RRAS2: variants seen among roughly 807,000 people sequenced by gnomAD.
The protein encoded by RRAS2 is ras-related protein R-Ras2.
RRAS2 carries 7 observed loss-of-function variants against 27.6 expected under a neutral mutation model. The ratio of observed to expected loss-of-function variants is 0.25; its 90% CI spans 0.14 to 0.48. The LOEUF is 0.48. Ranked by LOEUF, RRAS2 falls within the 20% of genes least tolerant of loss-of-function variation. RRAS2 has a pLI of 0.99. For synonymous variants in RRAS2, 86 were observed against 90.9 expected (o/e 0.95, Z 0.31); for missense variants, 178 against 256.2 (o/e 0.69, Z 2.08).
At chr11:14,307,700 T>TA (rs1327341427) in intron 1 of RRAS2, among the ~76,000 whole-genome samples, 94 of 148,524 alleles carry the variant, frequency 6.3e-4, no homozygotes, top group Non-Finnish European at 8.1e-4. Context: ...TGCGACAGTT[T>TA]AAAAAAAAAA....
At chr11:14,307,216 A>G (rs1424415099) in intron 1 of RRAS2, among the ~76,000 whole-genome samples, 1 of 142,138 alleles carries the variant, frequency 7.0e-6, no homozygotes, top group African/African-American at 2.6e-5. Context: ...AAAACAAAAA[A>G]AAACAAAAAA....
intron 1 of RRAS2, among the ~76,000 whole-genome samples, chr11:14,307,062 A>G (rs1312679839): frequency 6.6e-6 from 1 of 152,028 alleles, no homozygotes; most frequent in Non-Finnish European, 1.5e-5. Flanking sequence ...ATGATGGCAC[A>G]TGCCTGTGGT....
intron 1 of RRAS2, among the ~76,000 whole-genome samples, chr11:14,351,808 T>A (rs1289679758): frequency 2.0e-5 from 3 of 147,032 alleles, no homozygotes; most frequent in Non-Finnish European, 3.0e-5. Flanking sequence ...GGCAGGAGAA[T>A]GCCTTGAACC....
upstream of RRAS2, among the ~76,000 whole-genome samples, chr11:14,360,900 G>A (rs150855015): frequency 3.5e-3 from 510 of 144,364 alleles, 2 homozygotes; most frequent in African/African-American, 0.013. Context: ...ACGCCTGGGC[G>A]ACAATGCGGG....
At chr11:14,337,471 T>C (rs958949187) in intron 1 of RRAS2, among the ~76,000 whole-genome samples, 7 of 152,216 alleles carry the variant, frequency 4.6e-5, no homozygotes, top group Admixed American at 1.3e-4. Flanking sequence ...AATGCCTACA[T>C]CATTTACCTC....
intron 1 of RRAS2, among the ~76,000 whole-genome samples, chr11:14,333,960 C>T (rs1848538629): frequency 6.6e-6 from 1 of 152,180 alleles, no homozygotes; most frequent in South Asian, 2.1e-4. Context: ...CATTAGCTTA[C>T]CAGTCTTTTA....
chr11:14,321,337 G>A (rs1385321021), intron 1 of RRAS2, among the ~76,000 whole-genome samples: 1 of 152,234 alleles, frequency 6.6e-6, no homozygotes, highest in Non-Finnish European at 1.5e-5. Context: ...TGGTGGGACA[G>A]GGAAGGGAAC....
At chr11:14,290,177 G>A (rs1403224402) in intron 4 of RRAS2, among the ~76,000 whole-genome samples, 15 of 152,310 alleles carry the variant, frequency 9.8e-5, no homozygotes, top group East Asian at 1.9e-4. Context: ...CCGGCTGGGC[G>A]CAGAGGCTCA....
At chr11:14,301,309 G>A (rs782059161) in intron 1 of RRAS2, among the ~76,000 whole-genome samples, 4 of 152,164 alleles carry the variant, frequency 2.6e-5, no homozygotes, top group Non-Finnish European at 5.9e-5. Context: ...GAAAGAGACA[G>A]TGATCCTTTT....
chr11:14,293,823 G>A (rs1554946161), intron 4 of RRAS2, among the ~76,000 whole-genome samples: 1 of 152,030 alleles, frequency 6.6e-6, no homozygotes, highest in Non-Finnish European at 1.5e-5. Context: ...AACTGACCTT[G>A]TTCCCCTCCC....
chr11:14,344,983 CTTTAT>C (rs1430142869), intron 1 of RRAS2, among the ~76,000 whole-genome samples: 10 of 78,982 alleles, frequency 1.3e-4, no homozygotes, highest in Non-Finnish European at 2.4e-4. Context: ...CTACTCAAGA[CTTTAT>C]TTTTTTTTTT....
chr11:14,342,058 GT>G, intron 1 of RRAS2: 1 of 684,148 alleles, frequency 1.5e-6, no homozygotes, highest in Non-Finnish European at 1.9e-6. Context: ...ATCAATTGCA[GT>G]TTTAATAGAA....
chr11:14,320,694 G>A (rs981254760), intron 1 of RRAS2, among the ~76,000 whole-genome samples: 1 of 152,098 alleles, frequency 6.6e-6, no homozygotes, highest in Non-Finnish European at 1.5e-5. Context: ...TTTTCTGAAA[G>A]ATATTAAACA....
chr11:14,285,025 T>G (rs2133947689), intron 4 of RRAS2, among the ~76,000 whole-genome samples: 1 of 152,332 alleles, frequency 6.6e-6, no homozygotes, highest in East Asian at 1.9e-4. Context: ...TTGAGTCATC[T>G]TGCTATTAGT....
chr11:14,312,564 T>C (rs1847999020), intron 1 of RRAS2, among the ~76,000 whole-genome samples: 1 of 152,040 alleles, frequency 6.6e-6, no homozygotes, highest in South Asian at 2.1e-4. Flanking sequence ...GGACTGTAGG[T>C]GCATGCCACC....
At chr11:14,361,361 A>G (rs1849189256), upstream of RRAS2, among the ~76,000 whole-genome samples, 1 of 152,042 alleles carries the variant, frequency 6.6e-6, no homozygotes, top group African/African-American at 2.4e-5. Flanking sequence ...TGAATACTTG[A>G]CCCACAAAAT....
In RRAS2 at chr11:14,278,619, C is replaced by T. The variant is rs1849437416; in HGVS notation, c.*718G>A. 6.6e-6 allele frequency: 1 copy of T among 152,032 alleles called. No homozygotes were observed. The highest frequency in any genetic ancestry group is 2.4e-5 in the African/African-American group (1 of 41,376). 9.4% of individuals were successfully genotyped at this position (152,032 alleles called of 1,614,324 possible). A position where few individuals can be genotyped will look rare whatever the true frequency, so the allele number is the denominator to read the frequency against. ...ACAGAAGGAAATTATTCCTTTTTAC[C>T]CTTAGCGTGGCTGTGAAAAAGAGTT... On this transcript the variant is annotated 3_prime_UTR_variant, in exon 6 of 6. Coordinates refer to ENST00000256196, the MANE Select transcript of RRAS2 (RefSeq NM_012250.6).
At chr11:14,299,250 C>A (rs561648475) in intron 1 of RRAS2, among the ~76,000 whole-genome samples, 3 of 152,294 alleles carry the variant, frequency 2.0e-5, no homozygotes, top group African/African-American at 7.2e-5. Flanking sequence ...TGTAATAATT[C>A]CAGTCCTAGT....
intron 4 of RRAS2, among the ~76,000 whole-genome samples, chr11:14,288,180 C>T (rs937622975): frequency 1.5e-4 from 23 of 152,126 alleles, no homozygotes; most frequent in Admixed American, 7.2e-4. Context: ...GGTCCTGCCA[C>T]GTTGTCCAGG....
Sources: gnomAD v4.1 joint callset for allele counts (sites outside exome capture counted in the v4.1 genomes callset) on GRCh38, gnomAD v4.1.1 for gene constraint, MANE v1.5 for transcripts, NCBI Gene and HGNC (gene_info 2026-07-23, HGNC 2026-07-21) for gene names.